SGCZ: variants seen among roughly 807,000 people sequenced by gnomAD.
SGCZ encodes sarcoglycan zeta.
SGCZ carries 40 observed loss-of-function variants against 41.3 expected under a neutral mutation model. The observed-to-expected ratio is 0.97, with a 90% CI of 0.75 to 1.26. SGCZ has a LOEUF of 1.26. SGCZ is among the 50% of genes most tolerant of loss of function. The pLI, the probability that SGCZ is intolerant of heterozygous loss-of-function variation, is 0.00. For synonymous variants in SGCZ, 206 were observed against 137.5 expected, an observed-to-expected ratio of 1.50 and a Z score of -3.49; for missense variants, 552 against 369.8, an observed-to-expected ratio of 1.49 and a Z score of -4.04.
chr8:14,968,947 G>T (rs1801205927), intron 1 of SGCZ, among the ~76,000 whole-genome samples: 1 of 152,050 alleles, frequency 6.6e-6, no homozygotes, highest in African/African-American at 2.4e-5. Flanking sequence ...ACAAAAGATG[G>T]AATTGTAAAG....
chr8:14,295,078 C>A (rs1800965488), intron 3 of SGCZ, among the ~76,000 whole-genome samples: 1 of 152,016 alleles, frequency 6.6e-6, no homozygotes, highest in Non-Finnish European at 1.5e-5. Context: ...GAATAAATAT[C>A]CTGGGTATTT....
rs144234385 is a variant in SGCZ, at chr8:14,669,152, T to A, written c.40-114226A>T. ...GAGTCCAACACCAGCCTGAGCAACA[T>A]GGTAAAACCTCGTCTCTACAAACAC... On this transcript the variant is annotated intron_variant, in intron 1 of 7. Coordinates refer to ENST00000382080, the MANE Select transcript of SGCZ (RefSeq NM_139167.4). Among the ~76,000 whole-genome samples the A allele has an allele frequency of 5.3e-5, 8 of 150,822 alleles. No individual in the cohort carries two copies. The East Asian group carries it at 1.6e-3, about 30-fold the overall frequency.
chr8:14,307,179 T>TAG, intron 3 of SGCZ, among the ~76,000 whole-genome samples: 1 of 152,162 alleles, frequency 6.6e-6, no homozygotes, highest in South Asian at 2.1e-4. Context: ...CATGAAAAAA[T>TAG]AGGACATTTA....
At chr8:14,187,814 C>A (rs1422573271) in intron 4 of SGCZ, among the ~76,000 whole-genome samples, 6 of 151,816 alleles carry the variant, frequency 4.0e-5, no homozygotes, top group African/African-American at 1.5e-4. Context: ...TATTGAAAAA[C>A]AATAAAGTAC....
intron 2 of SGCZ, among the ~76,000 whole-genome samples, chr8:14,370,347 G>C (rs1803867202): frequency 6.6e-6 from 1 of 151,856 alleles, no homozygotes; most frequent in South Asian, 2.1e-4. Flanking sequence ...GTAGTATATT[G>C]CTTTAGTTGA....
chr8:14,522,058 T>A (rs1302924226), intron 2 of SGCZ, among the ~76,000 whole-genome samples: 1 of 152,132 alleles, frequency 6.6e-6, no homozygotes, highest in East Asian at 1.9e-4. Flanking sequence ...GTTAACCTGG[T>A]AGGTTACATG....
intron 1 of SGCZ, among the ~76,000 whole-genome samples, chr8:15,162,119 T>C (rs62499836): frequency 0.054 from 8,200 of 152,298 alleles, 311 homozygotes; most frequent in Non-Finnish European, 0.086. Flanking sequence ...AAAGTTTGTA[T>C]TGGATGAAGA....
intron 1 of SGCZ, among the ~76,000 whole-genome samples, chr8:15,168,091 G>C (rs1278387524): frequency 1.3e-5 from 2 of 152,166 alleles, no homozygotes; most frequent in Non-Finnish European, 2.9e-5. Flanking sequence ...GTTGGAGGAG[G>C]ACTCAATTTC....
At chr8:14,094,939 G>C (rs1326627041) in intron 7 of SGCZ, among the ~76,000 whole-genome samples, 2 of 151,798 alleles carry the variant, frequency 1.3e-5, no homozygotes, top group Non-Finnish European at 1.5e-5. Context: ...ATCTTCTTTG[G>C]ACAAGTGTCT....
chr8:14,441,940 A>G (rs1301133225), intron 2 of SGCZ, among the ~76,000 whole-genome samples: 2 of 152,104 alleles, frequency 1.3e-5, no homozygotes, highest in Admixed American at 1.3e-4. Context: ...GGCTTTTCTG[A>G]CGTATCTAAA....
chr8:14,257,596 T>C lies in SGCZ; in HGVS notation c.337-19917A>G, dbSNP rs147223059. Reference sequence around the variant, plus strand: ...GTGCTGCACCCATTAACTCATCATTTACATTAGGTATATCTACTAATGCTA... The same window carrying C: ...GTGCTGCACCCATTAACTCATCATTCACATTAGGTATATCTACTAATGCTA... On this transcript the variant is annotated intron_variant, in intron 3 of 7. Transcript: ENST00000382080. Among the ~76,000 whole-genome samples the C allele has an allele frequency of 2.3e-3, 342 of 151,962 alleles. 6 individuals are homozygous for C. In the East Asian group the frequency reaches 0.054, roughly 24 times the overall value.
intron 5 of SGCZ, among the ~76,000 whole-genome samples, chr8:14,117,292 T>C (rs1407374334): frequency 6.6e-6 from 1 of 151,906 alleles, no homozygotes; most frequent in Non-Finnish European, 1.5e-5. Context: ...AATCCCTTGA[T>C]CCACTTAGCA....
At chr8:14,231,965 T>C (rs1019073781) in intron 4 of SGCZ, among the ~76,000 whole-genome samples, 7 of 152,048 alleles carry the variant, frequency 4.6e-5, no homozygotes, top group African/African-American at 1.4e-4. Flanking sequence ...ACTTTAGATA[T>C]ATGTGTATCT....
At chr8:14,100,434 TAAGA>T (rs1801979201) in intron 7 of SGCZ, among the ~76,000 whole-genome samples, 1 of 150,468 alleles carries the variant, frequency 6.6e-6, no homozygotes. Context: ...GCAAGATGTT[TAAGA>T]AAGACTTCCG....
intron 2 of SGCZ, among the ~76,000 whole-genome samples, chr8:14,474,467 T>G (rs543539577): frequency 6.6e-6 from 1 of 152,334 alleles, no homozygotes; most frequent in South Asian, 2.1e-4. Flanking sequence ...TAAACCTATT[T>G]GATTAGTATC....
chr8:15,033,185 G>A lies in SGCZ; in HGVS notation c.39+204400C>T, dbSNP rs1252248896. 4.0e-5 allele frequency among the ~76,000 whole-genome samples: 6 copies of A among 150,468 alleles called. No individual in the cohort carries two copies. The East Asian group carries it at 8.0e-4, about 20-fold the overall frequency. On this transcript the variant is annotated intron_variant, in intron 1 of 7. Coordinates refer to ENST00000382080, the MANE Select transcript of SGCZ (RefSeq NM_139167.4). ...AGTCTGAATGAATCATGTGAACCAA[G>A]GTTTCAGGCAGGCCCCTGTGGCCCT...
intron 1 of SGCZ, among the ~76,000 whole-genome samples, chr8:14,763,635 A>G (rs867323561): frequency 6.6e-6 from 1 of 152,222 alleles, no homozygotes; most frequent in Non-Finnish European, 1.5e-5. Flanking sequence ...GTAAGTCTAC[A>G]AAACATTAGT....
At chr8:15,082,276 A>T (rs1019713640) in intron 1 of SGCZ, among the ~76,000 whole-genome samples, 1 of 152,088 alleles carries the variant, frequency 6.6e-6, no homozygotes. Context: ...TAAATATTTT[A>T]TATATTTGAT....
At chr8:14,113,575 T>A (rs1349641957) in intron 5 of SGCZ, among the ~76,000 whole-genome samples, 1 of 152,026 alleles carries the variant, frequency 6.6e-6, no homozygotes, top group East Asian at 1.9e-4. Context: ...GTTTGATTAA[T>A]GGTAAAACCA....
Sources: gnomAD v4.1 joint callset for allele counts (sites outside exome capture counted in the v4.1 genomes callset) on GRCh38, gnomAD v4.1.1 for gene constraint, MANE v1.5 for transcripts, NCBI Gene and HGNC (gene_info 2026-07-23, HGNC 2026-07-21) for gene names.